The following HSD17B2 variants were observed in gnomAD, a reference collection of about 807,000 sequenced individuals.
The protein encoded by HSD17B2 is hydroxysteroid 17-beta dehydrogenase 2.
HSD17B2 carries 32 observed loss-of-function variants against 26.9 expected under a neutral mutation model. The ratio of observed to expected loss-of-function variants is 1.19; its 90% CI spans 0.90 to 1.60. The LOEUF is 1.60. Among genes scored for constraint, HSD17B2 ranks in the 40% most tolerant of loss-of-function variants. The pLI is 0.00. For missense variants in HSD17B2, 613 were observed against 468.6 expected (o/e 1.31, Z -2.85); for synonymous variants, 246 against 186.7 (o/e 1.32, Z -2.59).
chr16:82,076,719 T>C (rs1765779728), intron 3 of HSD17B2, among the ~76,000 whole-genome samples: 2 of 152,136 alleles, frequency 1.3e-5, no homozygotes, highest in African/African-American at 4.8e-5. Flanking sequence ...GGACTACAGG[T>C]GTGCGCCACC....
chr16:82,090,773 C>T, intron 3 of HSD17B2, 129 bp from the exon 4 acceptor site: 2 of 855,998 alleles, frequency 2.3e-6, no homozygotes, highest in Non-Finnish European at 3.6e-6. Context: ...CTCAGGGGGC[C>T]TTGCCTGCCT....
chr16:82,093,128 A>G (rs1216391972), intron 4 of HSD17B2: 1 of 152,224 alleles, frequency 6.6e-6, no homozygotes, highest in Non-Finnish European at 1.5e-5. Context: ...AGGGTTCAAC[A>G]AATTATTATA....
chr16:82,043,939 A>G (rs2143919309), intron 1 of HSD17B2, among the ~76,000 whole-genome samples: 1 of 152,318 alleles, frequency 6.6e-6, no homozygotes, highest in Non-Finnish European at 1.5e-5. Context: ...TGCTCTTGGA[A>G]GTCACATAAT....
chr16:82,091,815 C>T (rs777938912), intron 4 of HSD17B2: 2 of 152,208 alleles, frequency 1.3e-5, no homozygotes, highest in African/African-American at 2.4e-5. Context: ...GTGCCATGCT[C>T]TCCATGTATG....
chr16:82,042,603 A>C (rs1597118924), intron 1 of HSD17B2, among the ~76,000 whole-genome samples: 1 of 151,190 alleles, frequency 6.6e-6, no homozygotes, highest in African/African-American at 2.4e-5. Context: ...TTTCTTTCTT[A>C]TATTATATTT....
chr16:82,079,610 A>G (rs1168229501), intron 3 of HSD17B2, among the ~76,000 whole-genome samples: 3 of 152,114 alleles, frequency 2.0e-5, no homozygotes, highest in African/African-American at 7.2e-5. Flanking sequence ...TGGTGGGGGG[A>G]GCAATTCAGT....
intron 1 of HSD17B2, among the ~76,000 whole-genome samples, chr16:82,049,512 GA>G (rs1161985520): frequency 6.6e-6 from 1 of 152,224 alleles, no homozygotes; most frequent in African/African-American, 2.4e-5. Context: ...GGCCAGGTCT[GA>G]ATATATCTCC....
chr16:82,090,162 C>A, intron 3 of HSD17B2: 1 of 920,780 alleles, frequency 1.1e-6, no homozygotes, highest in Non-Finnish European at 1.3e-6. Flanking sequence ...TGTTCGATTA[C>A]AGGTGCTGTA....
intron 1 of HSD17B2, among the ~76,000 whole-genome samples, chr16:82,054,834 C>T (rs1376339881): frequency 6.6e-6 from 1 of 152,138 alleles, no homozygotes; most frequent in African/African-American, 2.4e-5. Context: ...TTTTTTAAAA[C>T]CTAAGTCAAC....
Position 82,089,420 on chromosome 16 carries a change from G to T in HSD17B2, c.665-1482G>T, listed in dbSNP as rs8191207. 6.5e-3 allele frequency among the ~76,000 whole-genome samples: 987 copies of T among 152,226 alleles called. 12 individuals carry two copies. Among genetic ancestry groups the T allele is most frequent in the South Asian group, 0.052 (249 of 4,824 alleles). On this transcript the variant is annotated intron_variant, in intron 3 of 4. Transcript: ENST00000199936. ...CTTTGCCAAGCCTGGGAGCCCTGTT[G>T]TTATGGGTCTAGTCTTCGTGTGAGA... is the stretch of plus-strand genomic sequence containing the variant.
In HSD17B2 at chr16:82,066,681, C is replaced by T. The variant is rs973234263; in HGVS notation, c.266-1489C>T. ...TTTATTTTTTTACATTTCCACACCT[C>T]GCTATTTATGGCATCAACTCTCCTT... On this transcript the variant is annotated intron_variant, in intron 1 of 4. Coordinates refer to ENST00000199936, the MANE Select transcript of HSD17B2 (RefSeq NM_002153.3). Among the ~76,000 whole-genome samples the T allele has an allele frequency of 3.9e-5, 6 of 152,034 alleles. No homozygotes were observed. In the East Asian group the frequency reaches 1.2e-3, roughly 29 times the overall value.
At chr16:82,078,900 G>A (rs1197584166) in intron 3 of HSD17B2, among the ~76,000 whole-genome samples, 2 of 152,144 alleles carry the variant, frequency 1.3e-5, no homozygotes, top group Non-Finnish European at 2.9e-5. Flanking sequence ...CTAAGGAGGG[G>A]GAAGTAGGAA....
intron 3 of HSD17B2, among the ~76,000 whole-genome samples, chr16:82,081,338 A>T (rs116268205): frequency 0.023 from 3,505 of 151,928 alleles, 116 homozygotes; most frequent in African/African-American, 0.079. Flanking sequence ...CTCCTCTTCA[A>T]CCTTTCCTCC....
intron 1 of HSD17B2, among the ~76,000 whole-genome samples, chr16:82,067,677 T>G (rs967984422): frequency 6.6e-6 from 1 of 152,188 alleles, no homozygotes; most frequent in Non-Finnish European, 1.5e-5. Context: ...CTTTTTATAA[T>G]CCAGCATGAA....
intron 3 of HSD17B2, among the ~76,000 whole-genome samples, chr16:82,072,330 C>T (rs1422579141): frequency 6.6e-6 from 1 of 152,168 alleles, no homozygotes; most frequent in East Asian, 1.9e-4. Context: ...TTTCCTGCTA[C>T]CTTGCCAAAG....
chr16:82,070,452 A>G (rs1346507794), intron 2 of HSD17B2, among the ~76,000 whole-genome samples: 1 of 152,192 alleles, frequency 6.6e-6, no homozygotes, highest in Non-Finnish European at 1.5e-5. Flanking sequence ...CCAGAGACTC[A>G]TCTTCACAGC....
intron 3 of HSD17B2, among the ~76,000 whole-genome samples, chr16:82,077,973 C>T (rs1904311515): frequency 6.6e-6 from 1 of 152,118 alleles, no homozygotes; most frequent in South Asian, 2.1e-4. Context: ...GGAAACTCTC[C>T]AGGACACTGG....
chr16:82,082,518 G>A (rs1161627856), intron 3 of HSD17B2, among the ~76,000 whole-genome samples: 1 of 151,996 alleles, frequency 6.6e-6, no homozygotes, highest in East Asian at 1.9e-4. Flanking sequence ...AATATTTTTT[G>A]TACAAGCTTT....
At chr16:82,046,463 C>A (rs1447344343) in intron 1 of HSD17B2, among the ~76,000 whole-genome samples, 5 of 152,160 alleles carry the variant, frequency 3.3e-5, no homozygotes, top group African/African-American at 1.2e-4. Context: ...TGGCTCACGC[C>A]TGTAATCCCA....
Sources: allele counts gnomAD v4.1 joint callset (sites outside exome capture counted in the v4.1 genomes callset), GRCh38; gene constraint gnomAD v4.1.1; transcripts MANE v1.5; gene names NCBI Gene and HGNC (gene_info 2026-07-23, HGNC 2026-07-21).